TRAPPC9: variants seen among roughly 807,000 people sequenced by gnomAD.
TRAPPC9 encodes the protein trafficking protein particle complex subunit 9.
TRAPPC9 carries 83 observed loss-of-function variants against 124.0 expected under a neutral mutation model. The observed-to-expected ratio is 0.67, with a 90% confidence interval of 0.56 to 0.80. The LOEUF (loss-of-function observed/expected upper bound fraction) is 0.80, where lower values mean the gene tolerates loss of function less well. Ranked by LOEUF, TRAPPC9 falls within the 30% of genes least tolerant of loss-of-function variation. The pLI, the probability that TRAPPC9 is intolerant of heterozygous loss-of-function variation, is 0.00. For missense variants in TRAPPC9, 1,302 were observed against 1,508.3 expected (o/e 0.86, Z 2.27); for synonymous variants, 638 against 617.5 (o/e 1.03, Z -0.49).
At chr8:140,138,876 T>C (rs2061343045) in intron 17 of TRAPPC9, among the ~76,000 whole-genome samples, 1 of 151,392 alleles carries the variant, frequency 6.6e-6, no homozygotes, top group Non-Finnish European at 1.5e-5. Context: ...ATCTAGGGAG[T>C]GGCCAATGTC....
chr8:139,841,466 C>T (rs756479951), intron 21 of TRAPPC9, among the ~76,000 whole-genome samples: 15 of 152,134 alleles, frequency 9.9e-5, no homozygotes, highest in Admixed American at 8.5e-4. Context: ...TCTCCCCCAG[C>T]GTGCCTGCTT....
At chr8:140,445,866 C>T (rs1483156290) in intron 2 of TRAPPC9, among the ~76,000 whole-genome samples, 2 of 152,200 alleles carry the variant, frequency 1.3e-5, no homozygotes, top group East Asian at 3.9e-4. Context: ...AGAACCTTTC[C>T]CTGAGGGGGA....
chr8:140,331,790 C>A (rs1179451626), intron 9 of TRAPPC9, among the ~76,000 whole-genome samples: 1 of 152,138 alleles, frequency 6.6e-6, no homozygotes, highest in East Asian at 1.9e-4. Context: ...CATCTCACCC[C>A]AGCAAGAATG....
rs555598869 is a variant in TRAPPC9, at chr8:139,955,075, GT to G, written c.2810+33650del. Among the ~76,000 whole-genome samples the G allele has an allele frequency of 2.6e-5, 4 of 152,264 alleles. No homozygotes were observed. The South Asian group carries it at 8.3e-4, about 32-fold the overall frequency. On this transcript the variant is annotated intron_variant, in intron 19 of 22. Coordinates refer to ENST00000438773, the MANE Select transcript of TRAPPC9 (RefSeq NM_001160372.4). ...AATTTTATGTTGATGCATATTTAAT[GT>G]TTTTATTATAGTACTGGTTACATAA...
chr8:140,201,164 G>A lies in TRAPPC9; in HGVS notation c.2556+20295C>T, dbSNP rs370589818. Among the ~76,000 whole-genome samples, 6 of 152,168 alleles carry A rather than the reference G, an allele frequency of 3.9e-5. No homozygotes were observed. The East Asian group carries it at 5.8e-4, about 15-fold the overall frequency. ...GCCAGGCAGAGGCGGGACTGTGGCC[G>A]GCTGGGAAGCACGTGACTGTCTAAG... On this transcript the variant is annotated intron_variant, in intron 17 of 22. Coordinates refer to ENST00000438773, the MANE Select transcript of TRAPPC9 (RefSeq NM_001160372.4).
chr8:139,851,656 C>T (rs571612669), intron 21 of TRAPPC9, among the ~76,000 whole-genome samples: 44 of 152,170 alleles, frequency 2.9e-4, no homozygotes, highest in Admixed American at 2.6e-3. Context: ...CCGAACCCAA[C>T]GTTCAAAAGG....
intron 17 of TRAPPC9, among the ~76,000 whole-genome samples, chr8:140,130,314 AGT>A (rs2061183531): frequency 6.6e-6 from 1 of 152,214 alleles, no homozygotes; most frequent in Non-Finnish European, 1.5e-5. Context: ...GTAACTTCAC[AGT>A]GGAGAGGCCG....
chr8:140,284,919 C>T (rs2065441843), intron 13 of TRAPPC9, among the ~76,000 whole-genome samples: 3 of 152,320 alleles, frequency 2.0e-5, no homozygotes, highest in African/African-American at 7.2e-5. Flanking sequence ...GGCAAACATT[C>T]TCCTTCCCAA....
In TRAPPC9 at chr8:140,404,756, A is replaced by G. The variant is rs112267573; in HGVS notation, c.1008+821T>C. Among the ~76,000 whole-genome samples, 693 of 148,958 alleles carry G rather than the reference A, an allele frequency of 4.7e-3. 8 individuals carry two copies. Among genetic ancestry groups the G allele is most frequent in the African/African-American group, 0.016 (650 of 40,330 alleles). On this transcript the variant is annotated intron_variant, in intron 6 of 22. Coordinates refer to ENST00000438773, the MANE Select transcript of TRAPPC9 (RefSeq NM_001160372.4). ...TGTGTGCACGCGTGAGCATGTGTGT[A>G]CGTGCATGTGTGTGCGTGTGTGAGC...
At chr8:140,290,926 G>A (rs1486925012) in intron 12 of TRAPPC9, 67 bp downstream of exon 12, 2 of 1,326,688 alleles carry the variant, frequency 1.5e-6, no homozygotes, top group East Asian at 2.3e-5. Context: ...CAGACATTAA[G>A]TAAAACCTAC....
intron 17 of TRAPPC9, among the ~76,000 whole-genome samples, chr8:140,035,527 C>T (rs1840820338): frequency 6.6e-6 from 1 of 152,220 alleles, no homozygotes; most frequent in Admixed American, 6.5e-5. Flanking sequence ...TGTTAGGTGG[C>T]CGGCCCCTGC....
At chr8:140,455,542 T>C (rs778609731) in intron 1 of TRAPPC9, among the ~76,000 whole-genome samples, 1 of 152,126 alleles carries the variant, frequency 6.6e-6, no homozygotes, top group Non-Finnish European at 1.5e-5. Flanking sequence ...GGGATTCTAC[T>C]GCCTCAGCCT....
intron 19 of TRAPPC9, among the ~76,000 whole-genome samples, chr8:139,963,039 G>C (rs992342950): frequency 3.3e-5 from 5 of 152,200 alleles, no homozygotes; most frequent in Non-Finnish European, 7.3e-5. Flanking sequence ...ATAAGCTTGT[G>C]ATAATTTGTT....
chr8:140,253,347 T>C (rs2064172359), intron 15 of TRAPPC9, among the ~76,000 whole-genome samples: 1 of 151,878 alleles, frequency 6.6e-6, no homozygotes, highest in East Asian at 1.9e-4. Flanking sequence ...AGTGTATATT[T>C]AATATGAGAC....
intron 19 of TRAPPC9, among the ~76,000 whole-genome samples, chr8:139,965,238 T>C (rs1243148355): frequency 1.3e-5 from 2 of 152,232 alleles, no homozygotes; most frequent in Admixed American, 6.5e-5. Flanking sequence ...GAAATGATTG[T>C]GCAGTGGAAA....
chr8:140,042,200 AGTGTAT>A (rs574518496), intron 17 of TRAPPC9, among the ~76,000 whole-genome samples: 1,350 of 90,932 alleles, frequency 0.015, 18 homozygotes, highest in African/African-American at 0.062. Context: ...AGCCCAAAAA[AGTGTAT>A]GTGTGTGTGT....
chr8:140,272,430 T>C (rs1262046140), intron 15 of TRAPPC9, among the ~76,000 whole-genome samples: 10 of 150,726 alleles, frequency 6.6e-5, no homozygotes, highest in Non-Finnish European at 1.5e-4. Context: ...ATGGTGGTGA[T>C]GGTAGTGATG....
At chr8:139,897,500 G>A (rs1360162135) in intron 20 of TRAPPC9, among the ~76,000 whole-genome samples, 1 of 152,214 alleles carries the variant, frequency 6.6e-6, no homozygotes, top group African/African-American at 2.4e-5. Flanking sequence ...CAAGCCCTGG[G>A]AGAGGAAGGG....
chr8:140,381,008 C>T (rs1450046512), intron 7 of TRAPPC9, among the ~76,000 whole-genome samples: 1 of 151,832 alleles, frequency 6.6e-6, no homozygotes, highest in Admixed American at 6.6e-5. Context: ...AGTTCAATAC[C>T]AGCCTGGCCA....
Sources: allele counts gnomAD v4.1 joint callset (sites outside exome capture counted in the v4.1 genomes callset), GRCh38; gene constraint gnomAD v4.1.1; transcripts MANE v1.5; gene names NCBI Gene and HGNC (gene_info 2026-07-23, HGNC 2026-07-21).